SMPX: variants seen among roughly 807,000 people sequenced by gnomAD.
SMPX encodes the protein small muscular protein.
SMPX carries 2 observed loss-of-function variants against 6.3 expected under a neutral mutation model. The ratio of observed to expected loss-of-function variants is 0.32; its 90% CI spans 0.13 to 0.99. The LOEUF (loss-of-function observed/expected upper bound fraction) is 0.99. Among genes scored for constraint, SMPX ranks in the 50% least tolerant of loss-of-function variants. The pLI is 0.49. For missense variants in SMPX, 60 were observed against 66.8 expected (o/e 0.90, Z 0.36); for synonymous variants, 32 against 24.7 (o/e 1.30, Z -0.88).
At chrX:21,722,993 G>T (rs771687698) in intron 4 of SMPX, among the ~76,000 whole-genome samples, 1 of 111,830 alleles carries the variant, frequency 8.9e-6, no homozygotes, top group Non-Finnish European at 1.9e-5. Flanking sequence ...TTTCAGCAAA[G>T]AAATCTGACC....
chrX:21,717,484 A>G (rs1225810495), intron 4 of SMPX, among the ~76,000 whole-genome samples: 1 of 112,641 alleles, frequency 8.9e-6, no homozygotes, highest in Non-Finnish European at 1.9e-5. Flanking sequence ...ATTTTTAGAA[A>G]TCAATGTATG....
intron 2 of SMPX, among the ~76,000 whole-genome samples, chrX:21,744,042 T>C (rs777413808): frequency 8.9e-5 from 10 of 112,005 alleles, no homozygotes; most frequent in Non-Finnish European, 1.5e-4. Flanking sequence ...TTATTACAGA[T>C]TTCATTTATT....
At chrX:21,724,426 A>T (rs1014802793) in intron 4 of SMPX, among the ~76,000 whole-genome samples, 1 of 112,739 alleles carries the variant, frequency 8.9e-6, no homozygotes, top group Non-Finnish European at 1.9e-5. Flanking sequence ...ACGACTTTTT[A>T]AAATTAAACA....
Position 21,716,875 on chromosome X carries a change from GAGA to G in SMPX, c.*15-10484_*15-10482del, listed in dbSNP as rs772598197. The stretch of plus-strand genomic sequence containing the variant: ...TAGGATGAGGGAATCTTGGGCCAAT[GAGA>G]AGATTTTTAGGTAGTTTTACTGTGT... On this transcript the variant is annotated intron_variant, in intron 4 of 4. Transcript: ENST00000379494. 4.5e-5 allele frequency among the ~76,000 whole-genome samples: 5 copies of G among 111,910 alleles called. 1 individual carries two copies. The East Asian group carries it at 8.4e-4, about 19-fold the overall frequency.
chrX:21,754,183 G>T, intron 2 of SMPX, 63 bp downstream of exon 2: 1 of 969,748 alleles, frequency 1.0e-6, no homozygotes, highest in Non-Finnish European at 1.5e-6. Flanking sequence ...TCAGCTAGGA[G>T]TGAACAATCG....
At position 21,715,313 on chromosome X, in the gene SMPX, C is replaced by T. The variant is rs957643498; in HGVS notation, c.*15-8919G>A. 9.9e-3 allele frequency among the ~76,000 whole-genome samples: 1,044 copies of T among 105,466 alleles called. 11 individuals are homozygous for T. Among genetic ancestry groups the T allele is most frequent in the African/African-American group, 0.037 (975 of 26,167 alleles). The allele number at this position is 105,466 out of a possible 115,157, so 91.6% of individuals were successfully genotyped here. A position where few individuals can be genotyped will look rare whatever the true frequency, so the allele number is the denominator to read the frequency against. ...GTGTGTGTGTGTGTGTGCGCGCACG[C>T]GCGCGCGCTCGCGCGCTGGTGGGGG... On this transcript the variant is annotated intron_variant, in intron 4 of 4. Coordinates refer to ENST00000379494, the MANE Select transcript of SMPX (RefSeq NM_014332.3).
chrX:21,752,257 G>A (rs1344764484), intron 2 of SMPX, among the ~76,000 whole-genome samples: 1 of 105,467 alleles, frequency 9.5e-6, no homozygotes, highest in Admixed American at 1.0e-4. Flanking sequence ...GGAGGCCAGG[G>A]ACCATTAAGG....
chrX:21,753,273 G>A (rs1161633011), intron 2 of SMPX, among the ~76,000 whole-genome samples: 2 of 111,579 alleles, frequency 1.8e-5, no homozygotes, highest in Admixed American at 9.5e-5. Context: ...TGTATTAGTC[G>A]TGACAGGTAA....
chrX:21,739,638 A>G (rs947359736), intron 3 of SMPX, among the ~76,000 whole-genome samples: 7 of 112,360 alleles, frequency 6.2e-5, no homozygotes, highest in African/African-American at 6.5e-5. Flanking sequence ...GTTCTTTGCT[A>G]TGCTTTCAGA....
chrX:21,716,545 C>A (rs940118465), intron 4 of SMPX, among the ~76,000 whole-genome samples: 2 of 112,503 alleles, frequency 1.8e-5, no homozygotes, highest in Non-Finnish European at 3.8e-5. Flanking sequence ...CATGGTAAAG[C>A]ATTTAGCAGA....
chrX:21,723,102 T>A (rs1051760067), intron 4 of SMPX, among the ~76,000 whole-genome samples: 1 of 111,627 alleles, frequency 9.0e-6, no homozygotes, highest in East Asian at 2.8e-4. Flanking sequence ...AACAATCTGA[T>A]TGATGGCTCT....
intron 4 of SMPX, among the ~76,000 whole-genome samples, chrX:21,732,965 A>G (rs1030527612): frequency 9.0e-6 from 1 of 111,674 alleles, no homozygotes; most frequent in South Asian, 3.8e-4. Context: ...AACCCTCACC[A>G]AAACCCAACA....
At chrX:21,735,690 A>G (rs962039594) in intron 4 of SMPX, among the ~76,000 whole-genome samples, 1 of 112,249 alleles carries the variant, frequency 8.9e-6, no homozygotes, top group African/African-American at 3.2e-5. Flanking sequence ...TTAGGTCAAC[A>G]TGGTTTTCAT....
intron 3 of SMPX, 51 bp from the exon 4 acceptor site, chrX:21,737,748 CT>C: frequency 8.6e-7 from 1 of 1,163,483 alleles, no homozygotes; most frequent in Non-Finnish European, 1.2e-6. Flanking sequence ...CATTTGATCT[CT>C]TTGGGCCATA....
intron 4 of SMPX, among the ~76,000 whole-genome samples, chrX:21,736,551 C>T (rs1283878622): frequency 8.9e-6 from 1 of 112,032 alleles, no homozygotes; most frequent in Non-Finnish European, 1.9e-5. Context: ...TAATGTTCTT[C>T]GCACAGTATC....
chrX:21,715,302 GTGCGCGCA>G (rs1569303761), intron 4 of SMPX, among the ~76,000 whole-genome samples: 51 of 97,515 alleles, frequency 5.2e-4, no homozygotes, highest in African/African-American at 2.6e-3. Flanking sequence ...GTGTGTGTGT[GTGCGCGCA>G]CGCGCGCGCG....
At chrX:21,727,497 G>T (rs761648790) in intron 4 of SMPX, 1 of 111,787 alleles carries the variant, frequency 8.9e-6, no homozygotes, top group East Asian at 2.8e-4. Context: ...TATCTTCTAG[G>T]GTGGAAGGAA....
At chrX:21,730,178 C>T (rs2092801699) in intron 4 of SMPX, among the ~76,000 whole-genome samples, 1 of 111,833 alleles carries the variant, frequency 8.9e-6, no homozygotes, top group Non-Finnish European at 1.9e-5. Flanking sequence ...AAAATGAGGA[C>T]AAAAAATTTC....
At chrX:21,731,894 CTTG>C (rs760348391) in intron 4 of SMPX, among the ~76,000 whole-genome samples, 15 of 105,714 alleles carry the variant, frequency 1.4e-4, no homozygotes, top group African/African-American at 5.2e-4. Context: ...CTTATATTTC[CTTG>C]TTGATCATTT....
Sources: gnomAD v4.1 joint callset for allele counts (sites outside exome capture counted in the v4.1 genomes callset) on GRCh38, gnomAD v4.1.1 for gene constraint, MANE v1.5 for transcripts, NCBI Gene and HGNC (gene_info 2026-07-23, HGNC 2026-07-21) for gene names.